Variants in SORCS3 observed in about 807,000 individuals in gnomAD.
SORCS3 encodes the protein sortilin related VPS10 domain containing receptor 3, also known as VPS10 domain-containing receptor SorCS3.
Under a neutral mutation model 146.3 loss-of-function variants are expected in SORCS3, and 57 were observed. The observed-to-expected ratio is 0.39, with a 90% CI of 0.31 to 0.49. The LOEUF (loss-of-function observed/expected upper bound fraction) is 0.49. SORCS3 is among the 20% of genes least tolerant of loss of function. The pLI, the probability that SORCS3 is intolerant of heterozygous loss-of-function variation, is 0.92. For missense variants in SORCS3, 1,341 were observed against 1,575.5 expected (o/e 0.85, Z 2.52); for synonymous variants, 653 against 618.5 (o/e 1.06, Z -0.83).
rs141956056 is a variant in SORCS3, at chr10:104,999,367, A to G, written c.954+21874A>G. On this transcript the variant is annotated intron_variant, in intron 4 of 26. Coordinates refer to ENST00000369701, the MANE Select transcript of SORCS3 (RefSeq NM_014978.3). ...CATACTTCCAGTTTGAGGGAGCTCA[A>G]TCCCTCAGAAAGCAGACAATTCCAG... 1.5e-4 allele frequency among the ~76,000 whole-genome samples: 23 copies of G among 152,286 alleles called. 1 individual carries two copies. Among genetic ancestry groups the G allele is most frequent in the East Asian group, 1.4e-3 (7 of 5,172 alleles).
intron 1 of SORCS3, among the ~76,000 whole-genome samples, chr10:104,669,397 C>T (rs1005566415): frequency 1.1e-4 from 16 of 152,098 alleles, no homozygotes; most frequent in African/African-American, 3.9e-4. Flanking sequence ...ATAATTACTC[C>T]CCATTCTACC....
chr10:104,724,811 T>G (rs2016602325), intron 1 of SORCS3, among the ~76,000 whole-genome samples: 1 of 152,254 alleles, frequency 6.6e-6, no homozygotes, highest in African/African-American at 2.4e-5. Flanking sequence ...TCTCGTGCTG[T>G]GGTTTTCAGC....
intron 13 of SORCS3, among the ~76,000 whole-genome samples, chr10:105,175,944 C>G (rs577983499): frequency 2.0e-4 from 31 of 151,882 alleles, no homozygotes; most frequent in African/African-American, 7.0e-4. Flanking sequence ...TACATTAGGA[C>G]AGAGAGGATA....
At chr10:105,101,279 T>G (rs1269323288) in intron 6 of SORCS3, among the ~76,000 whole-genome samples, 1 of 152,176 alleles carries the variant, frequency 6.6e-6, no homozygotes, top group African/African-American at 2.4e-5. Flanking sequence ...CGAAATGATA[T>G]TCCCTGCTCA....
chr10:104,739,779 A>C (rs909274477), intron 1 of SORCS3, among the ~76,000 whole-genome samples: 2 of 152,210 alleles, frequency 1.3e-5, no homozygotes, highest in East Asian at 3.8e-4. Flanking sequence ...ACATCCTTCT[A>C]TACCCATTTC....
chr10:105,140,956 A>C (rs2056091313), intron 8 of SORCS3, among the ~76,000 whole-genome samples: 1 of 152,174 alleles, frequency 6.6e-6, no homozygotes, highest in Admixed American at 6.5e-5. Flanking sequence ...GGGGAAATTC[A>C]CAGTTATGCT....
intron 9 of SORCS3, among the ~76,000 whole-genome samples, chr10:105,152,098 C>A (rs1378814764): frequency 6.6e-6 from 1 of 152,136 alleles, no homozygotes; most frequent in Non-Finnish European, 1.5e-5. Context: ...AACAAATATT[C>A]TTTCCAACAC....
intron 20 of SORCS3, among the ~76,000 whole-genome samples, chr10:105,242,730 A>G: frequency 9.6e-6 from 1 of 104,138 alleles, no homozygotes. Context: ...ATACATTTAT[A>G]TATATTTATA....
At chr10:104,692,244 G>A (rs1024975957) in intron 1 of SORCS3, among the ~76,000 whole-genome samples, 14 of 152,126 alleles carry the variant, frequency 9.2e-5, no homozygotes, top group African/African-American at 3.4e-4. Flanking sequence ...AAATAACAGA[G>A]GGAAGAATGG....
intron 13 of SORCS3, among the ~76,000 whole-genome samples, chr10:105,171,149 A>G (rs1413286143): frequency 6.6e-6 from 1 of 152,182 alleles, no homozygotes; most frequent in Non-Finnish European, 1.5e-5. Context: ...AAATAAGAGT[A>G]ATAATTGAAA....
intron 8 of SORCS3, among the ~76,000 whole-genome samples, chr10:105,147,065 G>T (rs535320739): frequency 1.3e-5 from 2 of 152,114 alleles, no homozygotes; most frequent in Non-Finnish European, 2.9e-5. Context: ...ATATTACACA[G>T]AATTCCACTG....
chr10:104,643,936 T>C (rs1589444920), intron 1 of SORCS3, among the ~76,000 whole-genome samples: 1 of 152,186 alleles, frequency 6.6e-6, no homozygotes, highest in East Asian at 1.9e-4. Flanking sequence ...TATTTTTGAG[T>C]ATTTACAAAG....
intron 1 of SORCS3, among the ~76,000 whole-genome samples, chr10:104,688,690 CCTCT>C (rs1224098560): frequency 1.3e-5 from 2 of 152,048 alleles, no homozygotes; most frequent in Non-Finnish European, 2.9e-5. Flanking sequence ...TTCTTTTCAC[CCTCT>C]CTCTCAGATT....
intron 6 of SORCS3, among the ~76,000 whole-genome samples, chr10:105,101,374 C>G (rs1304662860): frequency 6.6e-6 from 1 of 152,162 alleles, no homozygotes; most frequent in African/African-American, 2.4e-5. Context: ...TTCCCCATGC[C>G]CCTACTTCGG....
At chr10:104,689,675 T>C (rs1421415790) in intron 1 of SORCS3, among the ~76,000 whole-genome samples, 1 of 152,202 alleles carries the variant, frequency 6.6e-6, no homozygotes, top group African/African-American at 2.4e-5. Flanking sequence ...TTTTTTCATT[T>C]TGTCAGTCTT....
intron 1 of SORCS3, among the ~76,000 whole-genome samples, chr10:104,657,744 G>A (rs2133244873): frequency 6.6e-6 from 1 of 152,302 alleles, no homozygotes; most frequent in South Asian, 2.1e-4. Flanking sequence ...ATTCTTGTTG[G>A]AGTTGAAATC....
chr10:105,144,152 A>G (rs1178861542), intron 8 of SORCS3, among the ~76,000 whole-genome samples: 2 of 152,160 alleles, frequency 1.3e-5, no homozygotes, highest in African/African-American at 4.8e-5. Flanking sequence ...GATGTTACCC[A>G]CTGTCTGCCT....
chr10:104,813,293 G>A (rs1484156913), intron 1 of SORCS3, among the ~76,000 whole-genome samples: 1 of 152,214 alleles, frequency 6.6e-6, no homozygotes, highest in Non-Finnish European at 1.5e-5. Context: ...TTCACATTGT[G>A]AAAGGTATCC....
At chr10:105,036,198 ACATATCCTTCAGGC>A (rs145537338) in intron 4 of SORCS3, among the ~76,000 whole-genome samples, 5,582 of 152,122 alleles carry the variant, frequency 0.037, 336 homozygotes, top group African/African-American at 0.13. Context: ...TTGGGGAAGG[ACATATCCTTCAGGC>A]CAACTCTGGC....
Sources: allele counts gnomAD v4.1 joint callset (sites outside exome capture counted in the v4.1 genomes callset), GRCh38; gene constraint gnomAD v4.1.1; transcripts MANE v1.5; gene names NCBI Gene and HGNC (gene_info 2026-07-23, HGNC 2026-07-21).